GUCY1A1: variants seen among roughly 807,000 people sequenced by gnomAD.
GUCY1A1 encodes guanylate cyclase 1 soluble subunit alpha 1, also known as guanylate cyclase soluble subunit alpha-1.
Under a neutral mutation model 64.5 loss-of-function variants are expected in GUCY1A1, and 48 were observed. That is an observed-to-expected ratio of 0.74 (90% CI 0.59 to 0.95). The LOEUF (loss-of-function observed/expected upper bound fraction) is 0.95, where lower values mean the gene tolerates loss of function less well. Ranked by LOEUF, GUCY1A1 falls within the 40% of genes least tolerant of loss-of-function variation. The pLI, the probability that GUCY1A1 is intolerant of heterozygous loss-of-function variation, is 0.00. For missense variants in GUCY1A1, 804 were observed against 825.3 expected (o/e 0.97, Z 0.32); for synonymous variants, 308 against 303.4 (o/e 1.02, Z -0.16).
chr4:155,690,343 T>C (rs1005672645), intron 2 of GUCY1A1, among the ~76,000 whole-genome samples: 2 of 152,148 alleles, frequency 1.3e-5, no homozygotes, highest in Non-Finnish European at 2.9e-5. Flanking sequence ...TGATTCATTT[T>C]TTCCCCCCAG....
At position 155,674,882 on chromosome 4, in the gene GUCY1A1, C is replaced by T. The variant is rs1226280038; in HGVS notation, c.-113+7463C>T. Among the ~76,000 whole-genome samples, 7 of 151,574 alleles carry T rather than the reference C, an allele frequency of 4.6e-5. 1 individual carries two copies. The highest frequency in any genetic ancestry group is 1.2e-4 in the African/African-American group (5 of 40,868). On this transcript the variant is annotated intron_variant, in intron 2 of 9. Transcript: ENST00000506455. ...TAAAATAGTACTTTATTATCACTAT[C>T]GAGTTTTATATACCGTAGGTAATTG...
In GUCY1A1 at chr4:155,708,356, C is replaced by G; in HGVS notation, c.376+62C>G. 4.8e-6 allele frequency: 4 copies of G among 831,768 alleles called. No homozygotes were observed. In the South Asian group the frequency reaches 6.0e-5, roughly 12 times the overall value. The allele number at this position is 831,768 out of a possible 1,614,324, so 51.5% of individuals were successfully genotyped here. A position where few individuals can be genotyped will look rare whatever the true frequency, so the allele number is the denominator to read the frequency against. ...TATACCTGTAGAACTCACATTTTCT[C>G]CAAAAATATTCATATTTATTTGTTG... On this transcript the variant is annotated intron_variant, in intron 5 of 9. Transcript: ENST00000506455.
intron 9 of GUCY1A1, among the ~76,000 whole-genome samples, chr4:155,723,865 G>A (rs1034957683): frequency 6.6e-6 from 1 of 152,024 alleles, no homozygotes; most frequent in African/African-American, 2.4e-5. Flanking sequence ...GTTTTGCCGT[G>A]TTGGCCAGGC....
At chr4:155,680,971 A>ATG (rs1194895649) in intron 2 of GUCY1A1, among the ~76,000 whole-genome samples, 1 of 151,982 alleles carries the variant, frequency 6.6e-6, no homozygotes, top group African/African-American at 2.4e-5. Flanking sequence ...ACACATGCAC[A>ATG]CACACACACA....
At chr4:155,672,011 C>T (rs2126506288) in intron 2 of GUCY1A1, among the ~76,000 whole-genome samples, 1 of 106,916 alleles carries the variant, frequency 9.4e-6, no homozygotes, top group African/African-American at 3.8e-5. Context: ...CTACTCTTCC[C>T]CCCTCCGTTT....
chr4:155,687,414 C>T (rs987706739), intron 2 of GUCY1A1, among the ~76,000 whole-genome samples: 4 of 152,150 alleles, frequency 2.6e-5, no homozygotes, highest in East Asian at 1.9e-4. Context: ...TAGGCAAGAC[C>T]AGGCACTTTA....
At chr4:155,707,965 A>G (rs1732020510) in intron 4 of GUCY1A1, among the ~76,000 whole-genome samples, 1 of 151,774 alleles carries the variant, frequency 6.6e-6, no homozygotes. Context: ...CAGCCTCCCA[A>G]GTAGCTGGGA....
intron 2 of GUCY1A1, among the ~76,000 whole-genome samples, chr4:155,675,938 C>A (rs529025208): frequency 6.6e-6 from 1 of 151,566 alleles, no homozygotes; most frequent in South Asian, 2.1e-4. Flanking sequence ...AGGCCACCTT[C>A]CACAAAAATT....
At chr4:155,714,600 A>G (rs527763552) in intron 7 of GUCY1A1, among the ~76,000 whole-genome samples, 1 of 152,344 alleles carries the variant, frequency 6.6e-6, no homozygotes, top group Admixed American at 6.5e-5. Flanking sequence ...GGCTTGAATC[A>G]TCTTCTGAAC....
intron 7 of GUCY1A1, among the ~76,000 whole-genome samples, chr4:155,716,128 A>T (rs1375322100): frequency 2.6e-5 from 4 of 152,216 alleles, no homozygotes; most frequent in Non-Finnish European, 5.9e-5. Flanking sequence ...AGGCAGTGAC[A>T]TTGGAACTAA....
chr4:155,704,619 C>T (rs1281850745), intron 4 of GUCY1A1, among the ~76,000 whole-genome samples: 1 of 152,188 alleles, frequency 6.6e-6, no homozygotes, highest in African/African-American at 2.4e-5. Context: ...AGTTTGGTTG[C>T]ACTGCAGAAC....
chr4:155,689,137 G>T (rs1335520163), intron 2 of GUCY1A1, among the ~76,000 whole-genome samples: 1 of 151,086 alleles, frequency 6.6e-6, no homozygotes, highest in African/African-American at 2.4e-5. Flanking sequence ...TTCCTGAAAT[G>T]TACAGTACTT....
intron 2 of GUCY1A1, among the ~76,000 whole-genome samples, chr4:155,685,249 C>T (rs1397884894): frequency 1.3e-5 from 2 of 152,108 alleles, no homozygotes; most frequent in African/African-American, 4.8e-5. Context: ...TATGTGATGT[C>T]CCCAACAGCT....
At position 155,696,888 on chromosome 4, in the gene GUCY1A1, G is replaced by A; in HGVS notation, c.21G>A (p.Lys7=). Residue 7 remains lysine, a synonymous_variant, in exon 3 of 10, where the codon AAG becomes AAA. Coordinates refer to ENST00000506455, the MANE Select transcript of GUCY1A1 (RefSeq NM_001130682.3). MFCTKL[K]DLKITGECPF... Reference sequence around the variant, plus strand: ...ACACCATGTTCTGCACGAAGCTCAAGGATCTCAAGATCACAGGAGAGTGTC... The same window carrying A: ...ACACCATGTTCTGCACGAAGCTCAAAGATCTCAAGATCACAGGAGAGTGTC... The A allele has an allele frequency of 6.2e-7, 1 of 1,613,604 alleles. No homozygotes were observed. The highest frequency in any genetic ancestry group is 1.3e-5 in the African/African-American group (1 of 75,014).
chr4:155,717,611 C>T (rs140049666), intron 8 of GUCY1A1, among the ~76,000 whole-genome samples: 121 of 152,260 alleles, frequency 7.9e-4, no homozygotes, highest in African/African-American at 2.8e-3. Context: ...AACTTCAGAA[C>T]AACTGCATTT....
chr4:155,728,535 T>C (rs954641700), intron 9 of GUCY1A1, among the ~76,000 whole-genome samples: 1 of 151,924 alleles, frequency 6.6e-6, no homozygotes, highest in Non-Finnish European at 1.5e-5. Context: ...TATACATATG[T>C]CTTTAGATAA....
chr4:155,713,068 AACC>A, intron 6 of GUCY1A1, 27 bp from the exon 7 acceptor site: 1 of 1,556,254 alleles, frequency 6.4e-7, no homozygotes, highest in Non-Finnish European at 8.7e-7. Context: ...AACTTGAATA[AACC>A]ACAATTGGTT....
intron 8 of GUCY1A1, among the ~76,000 whole-genome samples, chr4:155,720,337 T>TTCTATCATCTA (rs71600388): frequency 6.7e-5 from 10 of 149,790 alleles, no homozygotes; most frequent in African/African-American, 2.5e-4. Flanking sequence ...AAGAGCTTTA[T>TTCTATCATCTA]TCTATCTATC....
chr4:155,688,377 T>C (rs1389698474), intron 2 of GUCY1A1, among the ~76,000 whole-genome samples: 1 of 152,182 alleles, frequency 6.6e-6, no homozygotes, highest in Non-Finnish European at 1.5e-5. Context: ...CAGGCCTTCC[T>C]GCCTGACCAA....
Sources: gnomAD v4.1 joint callset for allele counts (sites outside exome capture counted in the v4.1 genomes callset) on GRCh38, gnomAD v4.1.1 for gene constraint, MANE v1.5 for transcripts, NCBI Gene and HGNC (gene_info 2026-07-23, HGNC 2026-07-21) for gene names.